The following PTPRD variants were observed in gnomAD, a reference collection of about 807,000 sequenced individuals.
The protein encoded by PTPRD is protein tyrosine phosphatase receptor type D.
A neutral mutation model predicts 214.5 loss-of-function variants in PTPRD; 34 were observed. The ratio of observed to expected loss-of-function variants is 0.16; its 90% CI spans 0.12 to 0.21. The LOEUF is 0.21. PTPRD is among the 10% of genes least tolerant of loss of function. The pLI is 1.00. For synonymous variants in PTPRD, 1,128 were observed against 845.7 expected, an observed-to-expected ratio of 1.33 and a Z score of -5.79; for missense variants, 2,545 against 2,398.7, an observed-to-expected ratio of 1.06 and a Z score of -1.27.
At chr9:8,649,479 T>A (rs1426617791) in intron 12 of PTPRD, among the ~76,000 whole-genome samples, 1 of 152,236 alleles carries the variant, frequency 6.6e-6, no homozygotes, top group Non-Finnish European at 1.5e-5. Context: ...AAGTAGCTAC[T>A]ATATCCCCAA....
intron 5 of PTPRD, among the ~76,000 whole-genome samples, chr9:9,855,530 C>T (rs978414507): frequency 2.0e-5 from 3 of 152,126 alleles, no homozygotes; most frequent in Non-Finnish European, 4.4e-5. Flanking sequence ...TTTCCTGATC[C>T]TTTTCGTGGG....
chr9:9,818,059 T>G (rs941098408), intron 5 of PTPRD, among the ~76,000 whole-genome samples: 3 of 152,204 alleles, frequency 2.0e-5, no homozygotes, highest in African/African-American at 7.2e-5. Context: ...TCTCTCACAG[T>G]GGCTTATGTT....
chr9:8,652,923 T>C (rs1017709473), intron 12 of PTPRD, among the ~76,000 whole-genome samples: 4 of 152,178 alleles, frequency 2.6e-5, no homozygotes, highest in African/African-American at 9.7e-5. Context: ...CCATACCAAA[T>C]GTAAAGATAA....
At chr9:10,460,686 T>C (rs538564474) in intron 2 of PTPRD, among the ~76,000 whole-genome samples, 1 of 152,242 alleles carries the variant, frequency 6.6e-6, no homozygotes, top group African/African-American at 2.4e-5. Context: ...TGGATTGACA[T>C]ATCCGAGACA....
intron 9 of PTPRD, among the ~76,000 whole-genome samples, chr9:9,382,621 G>C (rs977324753): frequency 2.0e-5 from 3 of 152,040 alleles, no homozygotes; most frequent in African/African-American, 4.8e-5. Flanking sequence ...ACATCTGTTA[G>C]GATGGTTTTA....
At chr9:10,043,334 A>C (rs1269871319) in intron 3 of PTPRD, among the ~76,000 whole-genome samples, 1 of 152,062 alleles carries the variant, frequency 6.6e-6, no homozygotes, top group East Asian at 1.9e-4. Flanking sequence ...TTAGAGATCA[A>C]AATGATGCTT....
chr9:9,954,307 A>AAAAAAAAC (rs1566685629), intron 4 of PTPRD, among the ~76,000 whole-genome samples: 1 of 146,438 alleles, frequency 6.8e-6, no homozygotes, highest in Non-Finnish European at 1.5e-5. Flanking sequence ...CAAAAAAAAA[A>AAAAAAAAC]AAAAAAAAAA....
intron 10 of PTPRD, among the ~76,000 whole-genome samples, chr9:9,112,960 A>AT (rs200147474): frequency 0.012 from 1,750 of 147,782 alleles, 37 homozygotes; most frequent in African/African-American, 0.04. Context: ...CTGAGCTCCT[A>AT]TTTTTTTCTT....
chr9:9,375,467 G>A (rs1282224264), intron 9 of PTPRD, among the ~76,000 whole-genome samples: 1 of 152,016 alleles, frequency 6.6e-6, no homozygotes, highest in Non-Finnish European at 1.5e-5. Context: ...ATGGTGGCAT[G>A]TGCCTGTAAT....
At chr9:10,051,150 A>T (rs964158070) in intron 3 of PTPRD, among the ~76,000 whole-genome samples, 5 of 152,142 alleles carry the variant, frequency 3.3e-5, no homozygotes, top group African/African-American at 9.6e-5. Flanking sequence ...CATAGAATGA[A>T]GTCATTTTTA....
intron 20 of PTPRD, among the ~76,000 whole-genome samples, chr9:8,518,857 C>A (rs2097837839): frequency 6.7e-6 from 1 of 149,096 alleles, no homozygotes; most frequent in Non-Finnish European, 1.5e-5. Context: ...GTAACTGGAA[C>A]CCACAAAAAA....
intron 2 of PTPRD, among the ~76,000 whole-genome samples, chr9:10,343,275 G>C (rs892810257): frequency 2.0e-5 from 3 of 152,024 alleles, no homozygotes; most frequent in African/African-American, 7.3e-5. Context: ...ATGGTTTCCA[G>C]CTTCATCCAT....
rs775198633 is a variant in PTPRD, at chr9:8,521,316, G to A, written c.922C>T (p.Leu308=). The change falls in exon 20 of 46, where the codon CTG becomes TTG. Residue 308 remains leucine (L), a synonymous_variant. Transcript: ENST00000381196. ...ANYTCVAMST[L]GVIEAIAQIT... ...TGTGCTATTGCTTCAATGACACCCA[G>A]TGTTGACATAGCAACACAGGTGTAA... is the stretch of plus-strand genomic sequence containing the variant. 1.2e-6 allele frequency: 2 copies of A among 1,613,852 alleles called. No homozygotes were observed. Among genetic ancestry groups the A allele is most frequent in the Non-Finnish European group, 1.7e-6 (2 of 1,179,852 alleles).
At chr9:9,851,067 C>T (rs1220909166) in intron 5 of PTPRD, among the ~76,000 whole-genome samples, 2 of 152,220 alleles carry the variant, frequency 1.3e-5, no homozygotes, top group Non-Finnish European at 2.9e-5. Flanking sequence ...AATTGGGGAT[C>T]ACAATACCTA....
chr9:8,974,891 G>A (rs1044192112), intron 11 of PTPRD, among the ~76,000 whole-genome samples: 1 of 151,812 alleles, frequency 6.6e-6, no homozygotes, highest in Non-Finnish European at 1.5e-5. Context: ...GAAGTCAGGA[G>A]TTCGAGACCA....
rs142765491 is a variant in PTPRD at position 9,833,595 on chromosome 9, C to T, written c.-367-66744G>A. On this transcript the variant is annotated intron_variant, in intron 5 of 45. Transcript: ENST00000381196. ...AAAATTTATTAGGCGGGAATTTCCTCTTCCTAATAAGCGTGGGAGTGCTAT... is the reference window on the plus strand; with the variant it reads ...AAAATTTATTAGGCGGGAATTTCCTTTTCCTAATAAGCGTGGGAGTGCTAT... Among the ~76,000 whole-genome samples the T allele has an allele frequency of 3.1e-3, 310 of 100,224 alleles. 3 individuals carry two copies. Among genetic ancestry groups the T allele is most frequent in the African/African-American group, 0.014 (298 of 21,830 alleles). The allele number at this position is 100,224 out of a possible 152,430, so 65.8% of individuals were successfully genotyped here. A position where few individuals can be genotyped will look rare whatever the true frequency, so the allele number is the denominator to read the frequency against.
chr9:9,591,033 TC>T (rs34428754), intron 7 of PTPRD, among the ~76,000 whole-genome samples: 1 of 152,032 alleles, frequency 6.6e-6, no homozygotes, highest in African/African-American at 2.4e-5. Context: ...CGTGCCTTAA[TC>T]CCTGGAACCT....
chr9:9,654,167 A>C (rs180825929), intron 7 of PTPRD, among the ~76,000 whole-genome samples: 2 of 152,264 alleles, frequency 1.3e-5, no homozygotes, highest in Admixed American at 1.3e-4. Context: ...TTGCCGTATA[A>C]TGTAACTAGG....
rs761991194 is a variant in PTPRD at position 8,499,690 on chromosome 9, T to C, written c.2279A>G (p.Lys760Arg). Residue 760 changes from lysine to arginine, a missense_variant, in exon 25 of 46, where the codon AAG becomes AGG. Transcript: ENST00000381196. Reference protein sequence around the residue: ...HYVRMENGEPKGQPMLKDVML... With the variant: ...HYVRMENGEPRGQPMLKDVML... ...GACATCTTTCAGCATGGGCTGGCCC[T>C]TGGGCTCACCATTTTCCATCCTCAC... 6.2e-7 allele frequency: 1 copy of C among 1,614,070 alleles called. No individual in the cohort carries two copies. The highest frequency in any genetic ancestry group is 8.5e-7 in the Non-Finnish European group (1 of 1,179,962).
Sources: gnomAD v4.1 joint callset for allele counts (sites outside exome capture counted in the v4.1 genomes callset) on GRCh38, gnomAD v4.1.1 for gene constraint, MANE v1.5 for transcripts, NCBI Gene and HGNC (gene_info 2026-07-23, HGNC 2026-07-21) for gene names.